The following PROS1 variants were observed in gnomAD, a reference collection of about 807,000 sequenced individuals.
The protein encoded by PROS1 is vitamin K-dependent protein S.
In PROS1, 29 loss-of-function variants were observed where a neutral mutation model predicts 75.9. The ratio of observed to expected loss-of-function variants is 0.38; its 90% CI spans 0.28 to 0.52. PROS1 has a LOEUF of 0.52. Among genes scored for constraint, PROS1 ranks in the 20% least tolerant of loss-of-function variants. The pLI, the probability that PROS1 is intolerant of heterozygous loss-of-function variation, is 0.83. For missense variants in PROS1, 680 were observed against 810.3 expected (o/e 0.84, Z 1.95); for synonymous variants, 245 against 280.6 (o/e 0.87, Z 1.27).
chr3:93,925,504 C>T (rs1386975449), intron 2 of PROS1, among the ~76,000 whole-genome samples: 1 of 151,416 alleles, frequency 6.6e-6, no homozygotes, highest in Non-Finnish European at 1.5e-5. Flanking sequence ...ATGATCACAC[C>T]TGTAATCATG....
chr3:93,957,123 TATA>T (rs1002150785), intron 1 of PROS1, among the ~76,000 whole-genome samples: 114 of 152,232 alleles, frequency 7.5e-4, no homozygotes, highest in African/African-American at 2.7e-3. Context: ...TTAAATATAT[TATA>T]ATAAGCACAT....
chr3:93,935,108 T>C (rs939693010), intron 1 of PROS1, among the ~76,000 whole-genome samples: 1 of 152,190 alleles, frequency 6.6e-6, no homozygotes, highest in Non-Finnish European at 1.5e-5. Flanking sequence ...CCATTTCTTT[T>C]ATTTGAATTG....
chr3:93,928,618 T>C (rs1709062497), intron 1 of PROS1: 1 of 473,034 alleles, frequency 2.1e-6, no homozygotes, highest in Middle Eastern at 5.7e-4. Flanking sequence ...TTGTGATCTC[T>C]GTGGAGATTG....
chr3:93,906,385 C>A (rs370722798), intron 4 of PROS1, among the ~76,000 whole-genome samples: 9 of 152,364 alleles, frequency 5.9e-5, no homozygotes, highest in African/African-American at 1.7e-4. Context: ...GCTGCCAAGA[C>A]GCCAGCTGCA....
intron 1 of PROS1, among the ~76,000 whole-genome samples, chr3:93,950,359 T>C (rs1454702813): frequency 1.3e-5 from 2 of 152,156 alleles, no homozygotes; most frequent in Non-Finnish European, 2.9e-5. Context: ...CGGAGTTTGA[T>C]ATCTGAGAAC....
chr3:93,917,189 AT>A (rs1245773859), intron 3 of PROS1, among the ~76,000 whole-genome samples: 4 of 152,138 alleles, frequency 2.6e-5, no homozygotes, highest in African/African-American at 9.7e-5. Flanking sequence ...ATACATACAT[AT>A]TCCTTTCTGT....
Position 93,955,427 on chromosome 3 carries a change from G to A in PROS1, c.76+18247C>T, listed in dbSNP as rs141610321. 2.2e-3 allele frequency among the ~76,000 whole-genome samples: 332 copies of A among 152,270 alleles called. 3 individuals carry two copies. Among genetic ancestry groups the A allele is most frequent in the African/African-American group, 7.6e-3 (317 of 41,548 alleles). On this transcript the variant is annotated intron_variant, in intron 1 of 14. Transcript: ENST00000394236. ...AAGGATGAGTTCATATCCTTTGCAG[G>A]GACATGGATGAAGCTGGAAACCATC...
chr3:93,906,496 T>C (rs1432283412), intron 4 of PROS1, among the ~76,000 whole-genome samples: 3 of 152,052 alleles, frequency 2.0e-5, no homozygotes, highest in African/African-American at 7.2e-5. Flanking sequence ...CGGACCCGGG[T>C]GTCTCTGTGC....
intron 6 of PROS1, among the ~76,000 whole-genome samples, chr3:93,904,276 A>G (rs577718214): frequency 1.1e-4 from 16 of 152,136 alleles, no homozygotes; most frequent in Admixed American, 2.0e-4. Context: ...CAATAAACAT[A>G]CGTGTGCATG....
intron 3 of PROS1, among the ~76,000 whole-genome samples, chr3:93,912,529 TA>T (rs1175474538): frequency 6.6e-6 from 1 of 152,168 alleles, no homozygotes; most frequent in Admixed American, 6.5e-5. Context: ...TTTTCCCAAA[TA>T]AGTCTTACCT....
intron 6 of PROS1, among the ~76,000 whole-genome samples, chr3:93,903,699 A>G (rs1211971170): frequency 1.3e-5 from 2 of 152,188 alleles, no homozygotes; most frequent in East Asian, 3.9e-4. Flanking sequence ...ATTCTTTAGA[A>G]AGAGACTATT....
At chr3:93,927,922 T>C (rs1207682097) in intron 1 of PROS1, among the ~76,000 whole-genome samples, 1 of 141,266 alleles carries the variant, frequency 7.1e-6, no homozygotes, top group Non-Finnish European at 1.5e-5. Context: ...TGTATATATA[T>C]ATGTGTATAT....
Position 93,877,163 on chromosome 3 carries a change from A to G in PROS1, c.1673T>C (p.Val558Ala). The G allele has an allele frequency of 6.2e-7, 1 of 1,607,742 alleles. No homozygotes were observed. The highest frequency in any genetic ancestry group is 8.5e-7 in the Non-Finnish European group (1 of 1,174,284). ...ACTTAGGGCCTGTATCCGATATATT[A>G]CAGTATTTTCAACAGATAACAGAAT... ...QDILLSVENT[V>A]IYRIQALSLC... Residue 558 changes from valine to alanine, a missense_variant, in exon 14 of 15, where the codon GTA (valine) becomes GCA (alanine). Transcript: ENST00000394236.
chr3:93,935,967 A>G (rs1709176140), intron 1 of PROS1, among the ~76,000 whole-genome samples: 1 of 151,832 alleles, frequency 6.6e-6, no homozygotes, highest in South Asian at 2.1e-4. Context: ...AAAAAAAAAA[A>G]AAAGTCAGCC....
At chr3:93,930,019 T>C (rs1709082232) in intron 1 of PROS1, among the ~76,000 whole-genome samples, 1 of 152,216 alleles carries the variant, frequency 6.6e-6, no homozygotes, top group Non-Finnish European at 1.5e-5. Flanking sequence ...ACAGTTACTA[T>C]ATTTATCAGT....
At chr3:93,959,840 A>G (rs557812767) in intron 1 of PROS1, among the ~76,000 whole-genome samples, 2 of 152,322 alleles carry the variant, frequency 1.3e-5, no homozygotes, top group South Asian at 2.1e-4. Flanking sequence ...AGTAATTTCA[A>G]TATCAGCTGT....
intron 1 of PROS1, among the ~76,000 whole-genome samples, chr3:93,945,185 G>A (rs1709364712): frequency 6.6e-6 from 1 of 152,148 alleles, no homozygotes; most frequent in Non-Finnish European, 1.5e-5. Context: ...ATAAAAAAAA[G>A]TCCAGGACCA....
At chr3:93,945,423 C>T (rs1462844849) in intron 1 of PROS1, among the ~76,000 whole-genome samples, 1 of 152,290 alleles carries the variant, frequency 6.6e-6, no homozygotes, top group East Asian at 1.9e-4. Flanking sequence ...AAAATACTGG[C>T]AAACCGAATC....
intron 3 of PROS1, among the ~76,000 whole-genome samples, chr3:93,923,305 A>G (rs1012259577): frequency 1.2e-4 from 18 of 152,292 alleles, no homozygotes; most frequent in Non-Finnish European, 2.6e-4. Context: ...TCTTTATCCA[A>G]ATGTACTCTG....
Sources: allele counts gnomAD v4.1 joint callset (sites outside exome capture counted in the v4.1 genomes callset), GRCh38; gene constraint gnomAD v4.1.1; transcripts MANE v1.5; gene names NCBI Gene and HGNC (gene_info 2026-07-23, HGNC 2026-07-21).